UBE2E2: variants seen among roughly 807,000 people sequenced by gnomAD.
UBE2E2 encodes the protein ubiquitin-conjugating enzyme E2 E2.
UBE2E2 carries 6 observed loss-of-function variants against 24.7 expected under a neutral mutation model. The ratio of observed to expected loss-of-function variants is 0.24; its 90% CI spans 0.13 to 0.48. The LOEUF is 0.48. Ranked by LOEUF, UBE2E2 falls within the 20% of genes least tolerant of loss-of-function variation. UBE2E2 has a pLI of 0.99. For synonymous variants in UBE2E2, 104 were observed against 83.6 expected (o/e 1.24, Z -1.33); for missense variants, 169 against 245.0 (o/e 0.69, Z 2.07).
intron 4 of UBE2E2, among the ~76,000 whole-genome samples, chr3:23,528,523 T>G (rs1695051004): frequency 6.6e-6 from 1 of 152,170 alleles, no homozygotes; most frequent in Admixed American, 6.5e-5. Flanking sequence ...TTCCTGCCTC[T>G]TTCTTAAGTC....
At chr3:23,246,094 G>A (rs1033048259) in intron 3 of UBE2E2, among the ~76,000 whole-genome samples, 1 of 152,122 alleles carries the variant, frequency 6.6e-6, no homozygotes, top group Admixed American at 6.5e-5. Context: ...ACCCAAGCTG[G>A]CATGCAGTGG....
At chr3:23,483,292 T>C (rs1484797109) in intron 3 of UBE2E2, among the ~76,000 whole-genome samples, 1 of 152,244 alleles carries the variant, frequency 6.6e-6, no homozygotes, top group Admixed American at 6.5e-5. Context: ...TAGATAACAT[T>C]TAAGTTTGCA....
chr3:23,224,528 T>G (rs1273431972), intron 3 of UBE2E2, among the ~76,000 whole-genome samples: 1 of 143,800 alleles, frequency 7.0e-6, no homozygotes, highest in African/African-American at 2.6e-5. Flanking sequence ...TTTGCTGAAT[T>G]TCTTGACAGT....
At chr3:23,365,507 C>T (rs894943043) in intron 3 of UBE2E2, among the ~76,000 whole-genome samples, 1 of 152,108 alleles carries the variant, frequency 6.6e-6, no homozygotes, top group East Asian at 1.9e-4. Context: ...AGAACACAAT[C>T]GCATTCACAA....
intron 2 of UBE2E2, among the ~76,000 whole-genome samples, chr3:23,210,771 A>T (rs1228906376): frequency 6.6e-6 from 1 of 152,180 alleles, no homozygotes; most frequent in Non-Finnish European, 1.5e-5. Context: ...CCTGGCTGAA[A>T]GAATCCCTCC....
At chr3:23,378,213 C>G (rs1470361290) in intron 3 of UBE2E2, among the ~76,000 whole-genome samples, 1 of 98,960 alleles carries the variant, frequency 1.0e-5, no homozygotes, top group Non-Finnish European at 2.0e-5. Flanking sequence ...AGAATATACT[C>G]AAAGCCAACC....
At chr3:23,325,667 T>G (rs1694869969) in intron 3 of UBE2E2, among the ~76,000 whole-genome samples, 1 of 152,230 alleles carries the variant, frequency 6.6e-6, no homozygotes, top group Non-Finnish European at 1.5e-5. Context: ...GTGTATTTGT[T>G]TCATTTTTCA....
At chr3:23,587,612 C>CT (rs1330467044) in intron 5 of UBE2E2, among the ~76,000 whole-genome samples, 1 of 152,144 alleles carries the variant, frequency 6.6e-6, no homozygotes, top group Non-Finnish European at 1.5e-5. Flanking sequence ...AACAAGATTA[C>CT]TTTTTTTGAA....
chr3:23,545,435 A>G (rs1386953016), intron 5 of UBE2E2, among the ~76,000 whole-genome samples: 2 of 152,226 alleles, frequency 1.3e-5, no homozygotes, highest in Admixed American at 6.5e-5. Flanking sequence ...CACATCTTGC[A>G]CAACACTTAA....
At chr3:23,423,044 G>A (rs891856546) in intron 3 of UBE2E2, among the ~76,000 whole-genome samples, 3 of 152,164 alleles carry the variant, frequency 2.0e-5, no homozygotes, top group Non-Finnish European at 4.4e-5. Context: ...CTTACATAAT[G>A]AAGGTTCATT....
intron 3 of UBE2E2, among the ~76,000 whole-genome samples, chr3:23,363,954 A>G (rs1276666396): frequency 6.6e-6 from 1 of 152,140 alleles, no homozygotes; most frequent in Non-Finnish European, 1.5e-5. Context: ...CTCTCAGACC[A>G]AAGCACAATA....
intron 5 of UBE2E2, among the ~76,000 whole-genome samples, chr3:23,556,966 G>A (rs1695804947): frequency 6.6e-6 from 1 of 152,088 alleles, no homozygotes; most frequent in Admixed American, 6.6e-5. Context: ...TAGGCTAATT[G>A]ATCTAAACAA....
At chr3:23,291,121 T>C (rs866484472) in intron 3 of UBE2E2, among the ~76,000 whole-genome samples, 12 of 146,210 alleles carry the variant, frequency 8.2e-5, no homozygotes, top group Admixed American at 1.4e-4. Flanking sequence ...GCCTATAGAA[T>C]ATCTTTTGCT....
At chr3:23,305,108 T>G (rs1699205130) in intron 3 of UBE2E2, among the ~76,000 whole-genome samples, 1 of 152,210 alleles carries the variant, frequency 6.6e-6, no homozygotes, top group Non-Finnish European at 1.5e-5. Flanking sequence ...AATTCTGGTT[T>G]TTGTTTGAAA....
intron 3 of UBE2E2, among the ~76,000 whole-genome samples, chr3:23,296,277 A>G (rs1698905380): frequency 6.6e-6 from 1 of 152,136 alleles, no homozygotes. Context: ...TCACAAAAAA[A>G]TATTTCACTA....
intron 3 of UBE2E2, among the ~76,000 whole-genome samples, chr3:23,384,122 A>C (rs553032659): frequency 6.6e-6 from 1 of 152,196 alleles, no homozygotes; most frequent in Non-Finnish European, 1.5e-5. Flanking sequence ...TAGCCACCAA[A>C]GTGGTTAGAA....
chr3:23,374,146 A>G (rs943737715), intron 3 of UBE2E2, among the ~76,000 whole-genome samples: 3 of 152,196 alleles, frequency 2.0e-5, no homozygotes, highest in African/African-American at 7.2e-5. Flanking sequence ...CGTTTCAATT[A>G]GGAATTTCAG....
chr3:23,220,420 A>G (rs565267359), intron 3 of UBE2E2, among the ~76,000 whole-genome samples: 1 of 152,336 alleles, frequency 6.6e-6, no homozygotes, highest in Non-Finnish European at 1.5e-5. Flanking sequence ...TTTAAAACAA[A>G]ACTTTATAGC....
intron 3 of UBE2E2, among the ~76,000 whole-genome samples, chr3:23,444,518 A>G (rs932247361): frequency 6.6e-6 from 1 of 152,180 alleles, no homozygotes; most frequent in Admixed American, 6.5e-5. Context: ...GGTAGAAAAC[A>G]CAAGTTTCAC....
Sources: gnomAD v4.1 joint callset for allele counts (sites outside exome capture counted in the v4.1 genomes callset) on GRCh38, gnomAD v4.1.1 for gene constraint, MANE v1.5 for transcripts, NCBI Gene and HGNC (gene_info 2026-07-23, HGNC 2026-07-21) for gene names.